The following CSMD1 variants were observed in gnomAD, a reference collection of about 807,000 sequenced individuals.
CSMD1 encodes CUB and Sushi multiple domains 1.
A neutral mutation model predicts 417.5 loss-of-function variants in CSMD1; 213 were observed. The ratio of observed to expected loss-of-function variants is 0.51; its 90% confidence interval spans 0.46 to 0.57. The LOEUF (loss-of-function observed/expected upper bound fraction) is 0.57. Among genes scored for constraint, CSMD1 ranks in the 20% least tolerant of loss-of-function variants. CSMD1 has a pLI of 0.00. For missense variants in CSMD1, 6,923 were observed against 4,529.7 expected (o/e 1.53, Z -15.17); for synonymous variants, 2,862 against 1,736.8 (o/e 1.65, Z -16.11).
intron 45 of CSMD1, among the ~76,000 whole-genome samples, chr8:3,107,439 C>T (rs1481799233): frequency 6.6e-6 from 1 of 151,962 alleles, no homozygotes; most frequent in African/African-American, 2.4e-5. Flanking sequence ...CTATGAACTA[C>T]CAAATGTTGT....
chr8:4,268,344 T>C (rs1804353401), intron 3 of CSMD1, among the ~76,000 whole-genome samples: 1 of 152,174 alleles, frequency 6.6e-6, no homozygotes, highest in Non-Finnish European at 1.5e-5. Flanking sequence ...AGATTCTTTT[T>C]GACTAATGTT....
At chr8:3,743,206 T>C (rs575470773) in intron 6 of CSMD1, among the ~76,000 whole-genome samples, 2 of 152,260 alleles carry the variant, frequency 1.3e-5, no homozygotes, top group Admixed American at 6.5e-5. Flanking sequence ...GAATGCAGAG[T>C]GTTCTGCCCT....
intron 46 of CSMD1, among the ~76,000 whole-genome samples, chr8:3,102,555 T>C (rs4875732): frequency 0.77 from 116,795 of 152,078 alleles, 45,208 homozygotes; most frequent in East Asian, 0.96. Flanking sequence ...TTTAGACATG[T>C]GCCACTTAAA....
chr8:4,747,177 G>C (rs541257630), intron 1 of CSMD1, among the ~76,000 whole-genome samples: 2 of 152,282 alleles, frequency 1.3e-5, no homozygotes, highest in East Asian at 1.9e-4. Flanking sequence ...GAGAGGAAAG[G>C]AGTCCTTGTT....
At chr8:3,609,091 G>C (rs1584955645) in intron 8 of CSMD1, among the ~76,000 whole-genome samples, 1 of 152,142 alleles carries the variant, frequency 6.6e-6, no homozygotes, top group Admixed American at 6.5e-5. Context: ...GTCAATAGAA[G>C]CTTTGATATC....
At chr8:4,963,517 C>G (rs984439287) in intron 1 of CSMD1, among the ~76,000 whole-genome samples, 1 of 152,082 alleles carries the variant, frequency 6.6e-6, no homozygotes, top group Non-Finnish European at 1.5e-5. Context: ...CACTTTCTAC[C>G]TCCTAGAAAT....
At chr8:4,675,901 A>G (rs181061739) in intron 1 of CSMD1, among the ~76,000 whole-genome samples, 1 of 152,338 alleles carries the variant, frequency 6.6e-6, no homozygotes, top group African/African-American at 2.4e-5. Flanking sequence ...CTATCATACT[A>G]GTAGAAAAAG....
chr8:4,432,891 A>G (rs1042399934), intron 2 of CSMD1, among the ~76,000 whole-genome samples: 1 of 152,216 alleles, frequency 6.6e-6, no homozygotes, highest in African/African-American at 2.4e-5. Context: ...CTGCCCATCA[A>G]GGGGTGAGCA....
At chr8:3,772,923 T>A (rs572254697) in intron 5 of CSMD1, among the ~76,000 whole-genome samples, 2 of 152,192 alleles carry the variant, frequency 1.3e-5, no homozygotes, top group South Asian at 4.2e-4. Context: ...GACATGTTTA[T>A]GGCTCACAGT....
At chr8:4,276,072 A>C (rs372878621) in intron 3 of CSMD1, among the ~76,000 whole-genome samples, 9 of 152,256 alleles carry the variant, frequency 5.9e-5, no homozygotes, top group African/African-American at 2.2e-4. Flanking sequence ...ACGATTCCTT[A>C]AGGATCTAGA....
chr8:4,109,566 G>T (rs546450926), intron 3 of CSMD1, among the ~76,000 whole-genome samples: 1 of 152,112 alleles, frequency 6.6e-6, no homozygotes, highest in East Asian at 1.9e-4. Flanking sequence ...TCATTTCCCA[G>T]TCAATGTCTG....
At chr8:4,224,864 C>G (rs192355597) in intron 3 of CSMD1, among the ~76,000 whole-genome samples, 18 of 152,154 alleles carry the variant, frequency 1.2e-4, no homozygotes, top group Admixed American at 9.2e-4. Context: ...CATCCCAGCA[C>G]TTTGGGATAC....
intron 3 of CSMD1, among the ~76,000 whole-genome samples, chr8:4,378,308 G>C (rs1436746105): frequency 1.3e-5 from 2 of 152,178 alleles, no homozygotes; most frequent in Non-Finnish European, 1.5e-5. Context: ...CTATTAAATT[G>C]TTATAAATTG....
Position 4,710,216 on chromosome 8 carries a change from G to C in CSMD1, c.86-72658C>G, listed in dbSNP as rs1457264895. On this transcript the variant is annotated intron_variant, in intron 1 of 69. Coordinates refer to ENST00000635120, the MANE Select transcript of CSMD1 (RefSeq NM_033225.6). ...GATAAAATATATATACGTATCTTCA[G>C]TGTGCTCTTATTCAAGGTACTATGA... is the stretch of plus-strand genomic sequence containing the variant. Among the ~76,000 whole-genome samples, 11 of 151,868 alleles carry C rather than the reference G, an allele frequency of 7.2e-5. No individual in the cohort carries two copies. In the East Asian group the frequency reaches 2.1e-3, roughly 29 times the overall value.
intron 2 of CSMD1, among the ~76,000 whole-genome samples, chr8:4,566,638 G>C (rs532721823): frequency 3.0e-4 from 35 of 116,450 alleles, no homozygotes; most frequent in Admixed American, 1.1e-3. Flanking sequence ...GGGTGACAGA[G>C]GGAGACTCTG....
intron 1 of CSMD1, among the ~76,000 whole-genome samples, chr8:4,817,223 C>T (rs902767427): frequency 2.0e-5 from 3 of 151,998 alleles, no homozygotes; most frequent in Non-Finnish European, 4.4e-5. Context: ...TGATTTTAAC[C>T]TAGATTTGCA....
chr8:4,145,109 A>C (rs571701701), intron 3 of CSMD1, among the ~76,000 whole-genome samples: 10 of 151,252 alleles, frequency 6.6e-5, no homozygotes, highest in Non-Finnish European at 1.5e-4. Context: ...GGTTAAGAAT[A>C]TAATTACATG....
In CSMD1 at chr8:3,496,522, C is replaced by A. The variant is rs1005408999; in HGVS notation, c.1345-2796G>T. Reference sequence around the variant, plus strand: ...AATGCTATAAACTACCCTCTTAGCACTGCTTTTACTATATCTCATAGGTTT... The same window carrying A: ...AATGCTATAAACTACCCTCTTAGCAATGCTTTTACTATATCTCATAGGTTT... On this transcript the variant is annotated intron_variant, in intron 10 of 69. Transcript: ENST00000635120. Among the ~76,000 whole-genome samples, 3 of 152,174 alleles carry A rather than the reference C, an allele frequency of 2.0e-5. No individual in the cohort carries two copies. The East Asian group carries it at 5.8e-4, about 29-fold the overall frequency.
At chr8:3,770,844 G>C (rs76198179) in intron 5 of CSMD1, among the ~76,000 whole-genome samples, 3 of 152,178 alleles carry the variant, frequency 2.0e-5, no homozygotes, top group Non-Finnish European at 4.4e-5. Context: ...AGATAAAGGA[G>C]GAAAAACAAA....
Sources: allele counts gnomAD v4.1 joint callset (sites outside exome capture counted in the v4.1 genomes callset), GRCh38; gene constraint gnomAD v4.1.1; transcripts MANE v1.5; gene names NCBI Gene and HGNC (gene_info 2026-07-23, HGNC 2026-07-21).